Variants in EIF4G3 observed in about 807,000 individuals in gnomAD.
The protein encoded by EIF4G3 is eukaryotic translation initiation factor 4 gamma 3.
Under a neutral mutation model 186.4 loss-of-function variants are expected in EIF4G3, and 34 were observed. The ratio of observed to expected loss-of-function variants is 0.18; its 90% CI spans 0.14 to 0.24. The LOEUF (loss-of-function observed/expected upper bound fraction) is 0.24, where lower values mean the gene tolerates loss of function less well. Among genes scored for constraint, EIF4G3 ranks in the 10% least tolerant of loss-of-function variants. The probability of loss-of-function intolerance (pLI) is 1.00; values close to 1 mark genes in which losing one functional copy is unlikely to be tolerated. For missense variants in EIF4G3, 1,536 were observed against 1,948.5 expected (o/e 0.79, Z 3.99); for synonymous variants, 673 against 679.5 (o/e 0.99, Z 0.15).
At chr1:20,964,579 A>C (rs778334734) in intron 12 of EIF4G3, among the ~76,000 whole-genome samples, 3 of 152,254 alleles carry the variant, frequency 2.0e-5, no homozygotes, top group Non-Finnish European at 4.4e-5. Context: ...TTCTCCTCAC[A>C]GAAACCCAAT....
intron 4 of EIF4G3, among the ~76,000 whole-genome samples, chr1:21,016,918 G>A (rs538576134): frequency 7.3e-5 from 11 of 149,670 alleles, no homozygotes; most frequent in South Asian, 4.3e-4. Flanking sequence ...GCAGTGAGCC[G>A]AGATCACGCC....
chr1:20,937,704 T>C (rs12075344), intron 14 of EIF4G3, among the ~76,000 whole-genome samples: 4,135 of 152,316 alleles, frequency 0.027, 184 homozygotes, highest in African/African-American at 0.093. Flanking sequence ...CTATACATCA[T>C]ATACATTCCT....
chr1:21,132,775 T>A (rs1339995966), intron 2 of EIF4G3, among the ~76,000 whole-genome samples: 2 of 152,052 alleles, frequency 1.3e-5, no homozygotes, highest in East Asian at 1.9e-4. Flanking sequence ...TTTCCTTTTT[T>A]AAAAAAATTT....
intron 4 of EIF4G3, among the ~76,000 whole-genome samples, chr1:21,043,079 G>A (rs970505681): frequency 1.3e-5 from 2 of 152,190 alleles, no homozygotes; most frequent in Non-Finnish European, 2.9e-5. Context: ...GAAAAACGCT[G>A]ACAGAGTTTT....
Position 20,862,272 on chromosome 1 carries a change from A to G in EIF4G3, c.3067T>C (p.Ser1023Pro). 6.2e-7 allele frequency: 1 copy of G among 1,612,790 alleles called. No individual in the cohort carries two copies. The highest frequency in any genetic ancestry group is 8.5e-7 in the Non-Finnish European group (1 of 1,179,384). ...TCTTGAAGCATGAACCGAATCCTAG[A>G]TGAGGTTTTTCTTTCTTTCACAATT... The part of the protein sequence containing the change: ...EKIVKERKTS[S>P]RIRFMLQDVI... The change falls in exon 23 of 37, where the codon TCT becomes CCT. Residue 1023 changes from serine to proline, a missense_variant. By Grantham distance (74) the Ser-to-Pro change is moderately conservative. Transcript: ENST00000602326.
chr1:20,911,960 G>A (rs1429357153), intron 14 of EIF4G3, among the ~76,000 whole-genome samples: 2 of 151,964 alleles, frequency 1.3e-5, no homozygotes, highest in Non-Finnish European at 2.9e-5. Flanking sequence ...AAAATATACT[G>A]CACTCCAGCC....
At chr1:21,129,496 A>G (rs779440505) in intron 2 of EIF4G3, among the ~76,000 whole-genome samples, 4 of 152,142 alleles carry the variant, frequency 2.6e-5, no homozygotes, top group Admixed American at 2.0e-4. Context: ...ACAGTTGCTC[A>G]TAAGAAAGAC....
intron 4 of EIF4G3, among the ~76,000 whole-genome samples, chr1:21,029,697 G>T (rs2092559053): frequency 6.6e-6 from 1 of 152,072 alleles, no homozygotes; most frequent in African/African-American, 2.4e-5. Flanking sequence ...AGGATCAAGG[G>T]TAAATAAGAG....
At chr1:20,843,147 G>GT (rs2069328147) in intron 29 of EIF4G3, among the ~76,000 whole-genome samples, 2 of 151,834 alleles carry the variant, frequency 1.3e-5, no homozygotes, top group Non-Finnish European at 2.9e-5. Context: ...CCCCTTGTGG[G>GT]TTTTTTAACC....
At chr1:21,048,269 G>A (rs770834718) in intron 4 of EIF4G3, among the ~76,000 whole-genome samples, 1 of 152,118 alleles carries the variant, frequency 6.6e-6, no homozygotes, top group Non-Finnish European at 1.5e-5. Flanking sequence ...ATTTCAAATG[G>A]AAAACTAAGC....
At chr1:21,068,390 A>C (rs1484310196) in intron 3 of EIF4G3, among the ~76,000 whole-genome samples, 3 of 150,116 alleles carry the variant, frequency 2.0e-5, no homozygotes, top group South Asian at 2.1e-4. Flanking sequence ...AAAAAAAAAA[A>C]AAAAAAAAAA....
chr1:21,033,419 G>A (rs908614267), intron 4 of EIF4G3, among the ~76,000 whole-genome samples: 1 of 151,432 alleles, frequency 6.6e-6, no homozygotes, highest in Non-Finnish European at 1.5e-5. Flanking sequence ...CCTAACAGCA[G>A]AGCAGATAAA....
chr1:20,843,343 C>T (rs2069420561), intron 29 of EIF4G3, among the ~76,000 whole-genome samples: 1 of 151,808 alleles, frequency 6.6e-6, no homozygotes, highest in South Asian at 2.1e-4. Flanking sequence ...AAGGTAAAAC[C>T]CCGTGTCTAC....
At chr1:20,819,585 C>A (rs1557772751) in intron 33 of EIF4G3, among the ~76,000 whole-genome samples, 2 of 152,010 alleles carry the variant, frequency 1.3e-5, no homozygotes, top group African/African-American at 4.8e-5. Context: ...AATGCAGGAA[C>A]AAAAAACCAA....
intron 27 of EIF4G3, 139 bp from the exon 28 acceptor site, chr1:20,851,617 TA>T: frequency 1.4e-6 from 1 of 715,516 alleles, no homozygotes; most frequent in South Asian, 1.9e-5. Flanking sequence ...AGGCACCAAT[TA>T]TATTTCAAAG....
chr1:21,016,862 G>A (rs1202991679), intron 4 of EIF4G3, among the ~76,000 whole-genome samples: 5 of 151,742 alleles, frequency 3.3e-5, no homozygotes, highest in African/African-American at 1.2e-4. Flanking sequence ...CTAGCTACTC[G>A]GGGGCCTGAG....
intron 9 of EIF4G3, 143 bp from the exon 10 acceptor site, chr1:20,980,591 G>T: frequency 3.4e-6 from 2 of 585,960 alleles, no homozygotes; most frequent in Non-Finnish European, 5.8e-6. Context: ...AAGCGATTGG[G>T]TCAAACACAT....
intron 14 of EIF4G3, among the ~76,000 whole-genome samples, chr1:20,910,154 A>G (rs1457221537): frequency 1.3e-5 from 2 of 152,214 alleles, no homozygotes; most frequent in Admixed American, 1.3e-4. Context: ...ATAATTTGAA[A>G]GCAATCAATT....
chr1:21,067,975 T>C (rs370737597), intron 3 of EIF4G3, among the ~76,000 whole-genome samples: 443 of 152,154 alleles, frequency 2.9e-3, no homozygotes, highest in African/African-American at 1.0e-2. Flanking sequence ...TATGTTTGTA[T>C]GTTTACTGTT....
Sources: allele counts gnomAD v4.1 joint callset (sites outside exome capture counted in the v4.1 genomes callset), GRCh38; gene constraint gnomAD v4.1.1; transcripts MANE v1.5; gene names NCBI Gene and HGNC (gene_info 2026-07-23, HGNC 2026-07-21).